The following DDX31 variants were observed in gnomAD, a reference collection of about 807,000 sequenced individuals.
The protein encoded by DDX31 is DEAD-box helicase 31, also known as ATP-dependent DNA helicase DDX31.
In DDX31, 70 loss-of-function variants were observed where a neutral mutation model predicts 91.3. That is an observed-to-expected ratio of 0.77 (90% CI 0.63 to 0.94). DDX31 has a LOEUF of 0.94. Among genes scored for constraint, DDX31 ranks in the 40% least tolerant of loss-of-function variants. DDX31 has a pLI of 0.00. For missense variants in DDX31, 902 were observed against 925.0 expected (o/e 0.98, Z 0.32); for synonymous variants, 362 against 350.6 (o/e 1.03, Z -0.36).
Position 132,595,505 on chromosome 9 carries a change from A to C in DDX31, c.1995-393T>G, listed in dbSNP as rs1343290128. ...CAGTGAAAGCTCACGGCAGCTTCCC[A>C]GTAACCCCTAAGCAGCTTAAAGCAA... On this transcript the variant is annotated intron_variant, in intron 19 of 19. Coordinates refer to ENST00000372159, the MANE Select transcript of DDX31 (RefSeq NM_022779.9). This position sits in a 1 kb window ranked among gnomAD's most constrained non-coding sequence, Gnocchi z 4.6. 6.6e-6 allele frequency among the ~76,000 whole-genome samples: 1 copy of C among 152,212 alleles called. No homozygotes were observed. Among genetic ancestry groups the C allele is most frequent in the Non-Finnish European group, 1.5e-5 (1 of 68,036 alleles).
chr9:132,636,354 C>T (rs111417910), intron 14 of DDX31, among the ~76,000 whole-genome samples: 2 of 152,378 alleles, frequency 1.3e-5, no homozygotes, highest in East Asian at 1.9e-4. Context: ...TGAGTTCTTA[C>T]ATCTGCAAAG....
At chr9:132,653,948 A>T (rs1233504613) in intron 6 of DDX31, among the ~76,000 whole-genome samples, 1 of 152,214 alleles carries the variant, frequency 6.6e-6, no homozygotes, top group Non-Finnish European at 1.5e-5. Flanking sequence ...ATGAATAGAG[A>T]TTATAATAGC....
intron 16 of DDX31, 73 bp downstream of exon 16, chr9:132,630,191 C>T: frequency 3.4e-6 from 5 of 1,474,642 alleles, no homozygotes; most frequent in Middle Eastern, 1.8e-4. Context: ...TTACAAGGCC[C>T]ATTCACTGTA....
intron 1 of DDX31, among the ~76,000 whole-genome samples, chr9:132,668,188 A>C (rs918492753): frequency 1.3e-5 from 2 of 152,184 alleles, no homozygotes; most frequent in Admixed American, 6.5e-5. Flanking sequence ...TTATGATTTT[A>C]ATCAGTCTTT....
At chr9:132,603,424 T>C (rs306540) in intron 19 of DDX31, among the ~76,000 whole-genome samples, 11,054 of 152,258 alleles carry the variant, frequency 0.073, 515 homozygotes, top group East Asian at 0.11. Context: ...CACACCTTCC[T>C]GTTGCAGAAA....
At chr9:132,611,055 C>T (rs1363266704) in intron 19 of DDX31, among the ~76,000 whole-genome samples, 3 of 152,230 alleles carry the variant, frequency 2.0e-5, no homozygotes, top group African/African-American at 4.8e-5. Flanking sequence ...GAACAGGAAG[C>T]ACAGAGTGGT....
At chr9:132,604,366 A>G (rs1830890208) in intron 19 of DDX31, among the ~76,000 whole-genome samples, 1 of 152,178 alleles carries the variant, frequency 6.6e-6, no homozygotes, top group Non-Finnish European at 1.5e-5. Context: ...ACGATCCAGC[A>G]TGGACCCCAG....
chr9:132,611,790 C>T (rs1267900167), intron 19 of DDX31, among the ~76,000 whole-genome samples: 1 of 151,936 alleles, frequency 6.6e-6, no homozygotes, highest in African/African-American at 2.4e-5. Flanking sequence ...CCTCGTCACA[C>T]AGAACACACC....
rs200748132 is a variant in DDX31 at position 132,646,924 on chromosome 9, C to A, written c.1102G>T (p.Asp368Tyr). 1.4e-4 allele frequency: 226 copies of A among 1,614,214 alleles called. No homozygotes were observed. Among genetic ancestry groups the A allele is most frequent in the Middle Eastern group, 5.0e-4 (3 of 6,060 alleles). ...AGACTCTCTGGTATTGCAAAGCTGTCCAGCTTGTCGCCAGCTGGTGGAGGA... is the reference window on the plus strand; with the variant it reads ...AGACTCTCTGGTATTGCAAAGCTGTACAGCTTGTCGCCAGCTGGTGGAGGA... ...VCPPPAGDKLDSFAIPESLKQ... is the reference protein window; with the variant it reads ...VCPPPAGDKLYSFAIPESLKQ... The change falls in exon 12 of 20, where the codon GAC becomes TAC. Residue 368 changes from aspartate (D) to tyrosine (Y), a missense_variant. Physicochemically the swap from Asp to Tyr is radical, Grantham distance 160 (BLOSUM62 -3). Coordinates refer to ENST00000372159, the MANE Select transcript of DDX31 (RefSeq NM_022779.9).
At position 132,595,111 on chromosome 9, in the gene DDX31, G is replaced by T; in HGVS notation, c.1996C>A (p.Pro666Thr). 1.9e-6 allele frequency: 3 copies of T among 1,612,704 alleles called. No homozygotes were observed. The highest frequency in any genetic ancestry group is 2.5e-6 in the Non-Finnish European group (3 of 1,178,924). The change falls in exon 20 of 20, where the codon CCT becomes ACT. Residue 666 changes from proline to threonine, a missense_variant and splice_region_variant. Pro to Thr is a conservative substitution (Grantham distance 38). Transcript: ENST00000372159. The surrounding 1 kb of genome is among the most constrained non-coding windows in gnomAD (Gnocchi z 4.6). ...CTCTGGGTCTTCTTATGAAGGTCAGGCCTGAAGAACAGTAACAGCAGAGAG... is the reference window on the plus strand; with the variant it reads ...CTCTGGGTCTTCTTATGAAGGTCAGTCCTGAAGAACAGTAACAGCAGAGAG... ...RKKRKAHVKR[P>T]DLHKKTQSKH...
At chr9:132,600,878 C>T (rs1029303006) in intron 19 of DDX31, among the ~76,000 whole-genome samples, 19 of 152,260 alleles carry the variant, frequency 1.2e-4, no homozygotes, top group Non-Finnish European at 2.5e-4. Flanking sequence ...CTTCGTTTCC[C>T]GGTACATCAG....
chr9:132,659,186 G>A (rs1834776350), intron 5 of DDX31, among the ~76,000 whole-genome samples: 1 of 152,192 alleles, frequency 6.6e-6, no homozygotes, highest in African/African-American at 2.4e-5. Flanking sequence ...CCAACAGATG[G>A]CAAAAACTTT....
intron 17 of DDX31, among the ~76,000 whole-genome samples, chr9:132,623,352 T>C (rs936253648): frequency 1.3e-5 from 2 of 151,016 alleles, no homozygotes; most frequent in African/African-American, 2.4e-5. Flanking sequence ...AGTCAAGAGA[T>C]TGAGACCATC....
intron 6 of DDX31, among the ~76,000 whole-genome samples, chr9:132,655,293 G>C (rs1174735866): frequency 6.6e-6 from 1 of 152,136 alleles, no homozygotes; most frequent in Non-Finnish European, 1.5e-5. Context: ...TGAAATGCTA[G>C]GCAGTCATCA....
intron 6 of DDX31, among the ~76,000 whole-genome samples, chr9:132,656,828 C>T (rs888772887): frequency 1.2e-4 from 18 of 152,132 alleles, no homozygotes; most frequent in South Asian, 2.1e-4. Flanking sequence ...TCCTGGAGTA[C>T]GTAAGTGGAT....
In DDX31 at chr9:132,648,216, C is replaced by G. The variant is rs1267041898; in HGVS notation, c.940G>C (p.Val314Leu). The change falls in exon 11 of 20, where the codon GTC becomes CTC. Residue 314 changes from valine to leucine, a missense_variant. Val to Leu is a conservative substitution (Grantham distance 32, BLOSUM62 1). Transcript: ENST00000372159. ...TCTGTGAGTGTCGCTGATAGCAAGA[C>G]ATTCTGTCGTTTTTGGCATTCAGCA... ...VNAECQKRQN[V>L]LLSATLTEGV... The G allele has an allele frequency of 6.2e-7, 1 of 1,613,928 alleles. No homozygotes were observed. Among genetic ancestry groups the G allele is most frequent in the Non-Finnish European group, 8.5e-7 (1 of 1,179,968 alleles).
rs1830350101 is a variant in DDX31 at position 132,594,798 on chromosome 9, A to G, written c.*68T>C. 6.3e-7 allele frequency: 1 copy of G among 1,582,040 alleles called. No homozygotes were observed. Among genetic ancestry groups the G allele is most frequent in the Non-Finnish European group, 8.6e-7 (1 of 1,164,078 alleles). On this transcript the variant is annotated 3_prime_UTR_variant, in exon 20 of 20. Transcript: ENST00000372159. The stretch of plus-strand genomic sequence containing the variant: ...AGTTATTTTTCACAAGCCTCCTCTG[A>G]CAAGAACTGGACATCAATCCACTGC...
intron 5 of DDX31, 68 bp downstream of exon 5, chr9:132,659,642 T>C: frequency 6.6e-7 from 1 of 1,509,320 alleles, no homozygotes; most frequent in Non-Finnish European, 9.0e-7. Context: ...AGACACCGCA[T>C]GGCAAAACCT....
intron 11 of DDX31, among the ~76,000 whole-genome samples, 169 bp downstream of exon 11, chr9:132,648,020 T>G (rs996722382): frequency 1.3e-5 from 2 of 152,074 alleles, no homozygotes; most frequent in African/African-American, 4.8e-5. Context: ...CAGAGGGAAG[T>G]TGGGAGTGTA....
Sources: allele counts gnomAD v4.1 joint callset (sites outside exome capture counted in the v4.1 genomes callset), GRCh38; gene constraint gnomAD v4.1.1; non-coding constraint Gnocchi (gnomAD v3.1); transcripts MANE v1.5; gene names NCBI Gene and HGNC (gene_info 2026-07-23, HGNC 2026-07-21).